Variants in MED13L observed in about 807,000 individuals in gnomAD.
MED13L encodes the protein mediator of RNA polymerase II transcription subunit 13-like.
A neutral mutation model predicts 220.9 loss-of-function variants in MED13L; 7 were observed. The ratio of observed to expected loss-of-function variants is 0.03; its 90% confidence interval spans 0.02 to 0.06. The LOEUF (loss-of-function observed/expected upper bound fraction) is 0.06. MED13L is among the 10% of genes least tolerant of loss of function. The pLI is 1.00. For missense variants in MED13L, 1,965 were observed against 2,760.5 expected (o/e 0.71, Z 6.46); for synonymous variants, 1,011 against 1,015.2 (o/e 1.00, Z 0.08).
At chr12:116,252,103 A>G (rs140640953) in intron 1 of MED13L, among the ~76,000 whole-genome samples, 135 of 152,270 alleles carry the variant, frequency 8.9e-4, no homozygotes, top group African/African-American at 3.1e-3. Context: ...AGACTTCAAT[A>G]GGCCTCCTCT....
intron 2 of MED13L, among the ~76,000 whole-genome samples, chr12:116,119,828 AAAAAAAAAAAAT>A (rs1250666024): frequency 1.7e-5 from 2 of 119,436 alleles, no homozygotes; most frequent in Non-Finnish European, 3.4e-5. Context: ...AAAAAAAAAA[AAAAAAAAAAAAT>A]ATATATATAT....
In MED13L at chr12:115,972,198, T is replaced by C; in HGVS notation, c.5770A>G (p.Ile1924Val). The C allele has an allele frequency of 1.2e-6, 2 of 1,614,010 alleles. No individual in the cohort carries two copies. The highest frequency in any genetic ancestry group is 8.5e-7 in the Non-Finnish European group (1 of 1,179,914). Residue 1924 changes from isoleucine to valine, a missense_variant, in exon 26 of 31, where the codon ATC becomes GTC. Coordinates refer to ENST00000281928, the MANE Select transcript of MED13L (RefSeq NM_015335.5). ...CACACATCCTTGAGCTTTTTGCTGA[T>C]TGTCTGTAGTGAACATTCTCCAAGG... is the stretch of plus-strand genomic sequence containing the variant. ...ILLGECSLQTISKKLKDVCRM... is the reference protein window; with the variant it reads ...ILLGECSLQTVSKKLKDVCRM...
In MED13L at chr12:116,112,240, G is replaced by A. The variant is rs548083944; in HGVS notation, c.311-728C>T. On this transcript the variant is annotated intron_variant, in intron 2 of 30. Transcript: ENST00000281928. ...ATATAAACAGATACAAAATGTCCTAGAGAAGACAGTTAATTTCCTTTTAAA... is the reference window on the plus strand; with the variant it reads ...ATATAAACAGATACAAAATGTCCTAAAGAAGACAGTTAATTTCCTTTTAAA... Among the ~76,000 whole-genome samples, 9 of 152,196 alleles carry A rather than the reference G, an allele frequency of 5.9e-5. 4 individuals are homozygous for A. The highest frequency in any genetic ancestry group is 2.2e-4 in the African/African-American group (9 of 41,538).
chr12:115,992,134 T>C (rs1878104890), intron 16 of MED13L, among the ~76,000 whole-genome samples, 177 bp from the exon 17 acceptor site: 1 of 151,820 alleles, frequency 6.6e-6, no homozygotes, highest in Non-Finnish European at 1.5e-5. Flanking sequence ...CAAAGGTCAG[T>C]GCAGTGTGTA....
intron 23 of MED13L, among the ~76,000 whole-genome samples, chr12:115,979,853 CAAAG>C (rs1345897768): frequency 1.3e-5 from 2 of 152,232 alleles, no homozygotes; most frequent in Admixed American, 6.5e-5. Context: ...ATTAGAAAAA[CAAAG>C]GAAGTGTAAA....
chr12:116,152,967 G>A (rs945356062), intron 2 of MED13L, among the ~76,000 whole-genome samples: 2 of 151,854 alleles, frequency 1.3e-5, no homozygotes, highest in South Asian at 2.1e-4. Flanking sequence ...AAAATTCCGA[G>A]TCTGTGAGAT....
chr12:116,031,715 GAAAAGAAAAGAAAA>G (rs1387691447), intron 4 of MED13L, among the ~76,000 whole-genome samples: 1 of 46,370 alleles, frequency 2.2e-5, no homozygotes. Flanking sequence ...GAAAAGAAAA[GAAAAGAAAAGAAAA>G]GAAAAGAAAA....
rs370814561 is a variant in MED13L, at chr12:116,111,371, G to T, written c.395+57C>A. On this transcript the variant is annotated intron_variant, in intron 3 of 30. Transcript: ENST00000281928. ...TTTTGAAAATTACAGGAAACTCTCG[G>T]TATCTAGCAATATACTTGGTTGTCT... The T allele has an allele frequency of 4.3e-5, 58 of 1,358,098 alleles. No homozygotes were observed. In the African/African-American group the frequency reaches 7.5e-4, roughly 17 times the overall value. 84.1% of individuals were successfully genotyped at this position (1,358,098 alleles called of 1,614,324 possible).
rs559524458 is a variant in MED13L, at chr12:116,177,246, G to A, written c.310+60222C>T. Among the ~76,000 whole-genome samples, 26 of 152,158 alleles carry A rather than the reference G, an allele frequency of 1.7e-4. No homozygotes were observed. In the South Asian group the frequency reaches 4.4e-3, roughly 26 times the overall value. On this transcript the variant is annotated intron_variant, in intron 2 of 30. Transcript: ENST00000281928. The stretch of plus-strand genomic sequence containing the variant: ...CCCCAGGCACTACTCCACAGTAAGC[G>A]TATACATGATCCTGACTTCTATTAT...
At chr12:116,111,586 C>T in intron 2 of MED13L, 74 bp from the exon 3 acceptor site, 1 of 1,180,072 alleles carries the variant, frequency 8.5e-7, no homozygotes, top group Non-Finnish European at 1.2e-6. Flanking sequence ...ACTTTTAAAA[C>T]ATTTTTCTAA....
At chr12:116,076,137 T>C (rs1020845564) in intron 4 of MED13L, among the ~76,000 whole-genome samples, 1 of 151,970 alleles carries the variant, frequency 6.6e-6, no homozygotes, top group Non-Finnish European at 1.5e-5. Context: ...ATGGTCTCGA[T>C]CTCCTGACCT....
chr12:116,117,453 A>C (rs975679861), intron 2 of MED13L, among the ~76,000 whole-genome samples: 1 of 152,238 alleles, frequency 6.6e-6, no homozygotes, highest in East Asian at 1.9e-4. Flanking sequence ...CTTTACTCAC[A>C]ATCTTTTACT....
chr12:116,142,611 C>T (rs1397895257), intron 2 of MED13L, among the ~76,000 whole-genome samples: 5 of 152,022 alleles, frequency 3.3e-5, no homozygotes, highest in Non-Finnish European at 2.9e-5. Flanking sequence ...TCGCTTGAAC[C>T]GGGGTGGCAG....
chr12:116,172,119 A>T (rs1306058672), intron 2 of MED13L, among the ~76,000 whole-genome samples: 1 of 152,190 alleles, frequency 6.6e-6, no homozygotes, highest in Non-Finnish European at 1.5e-5. Flanking sequence ...CAAACAACTC[A>T]ATGAAGATCC....
intron 4 of MED13L, among the ~76,000 whole-genome samples, chr12:116,034,814 T>C (rs1881074140): frequency 6.6e-6 from 1 of 152,134 alleles, no homozygotes; most frequent in Non-Finnish European, 1.5e-5. Flanking sequence ...AAGACCAGCC[T>C]GGCCAACATG....
chr12:116,196,355 G>A (rs535541295), intron 2 of MED13L, among the ~76,000 whole-genome samples: 10 of 151,952 alleles, frequency 6.6e-5, no homozygotes, highest in African/African-American at 2.2e-4. Context: ...ATTGAAAACA[G>A]GGCCAATAAG....
At chr12:116,183,255 A>C (rs1202801437) in intron 2 of MED13L, among the ~76,000 whole-genome samples, 1 of 152,206 alleles carries the variant, frequency 6.6e-6, no homozygotes, top group African/African-American at 2.4e-5. Flanking sequence ...ATGTGTGCCA[A>C]AACTTGAGTT....
intron 4 of MED13L, among the ~76,000 whole-genome samples, chr12:116,049,159 CA>C (rs1241543861): frequency 1.3e-5 from 2 of 152,054 alleles, no homozygotes; most frequent in Non-Finnish European, 2.9e-5. Flanking sequence ...CATTCTGTTC[CA>C]GATGAAAACA....
rs747852225 is a variant in MED13L at position 115,991,017 on chromosome 12, T to C, written c.3934+3A>G. ...AAGTAAATTTGTGTTCTGGGACACC[T>C]ACCATTGCTGTGAGGCCAAGAGTGC... On this transcript the variant is annotated splice_donor_region_variant and intron_variant, in intron 17 of 30. Coordinates refer to ENST00000281928, the MANE Select transcript of MED13L (RefSeq NM_015335.5). The surrounding 1 kb of genome is among the most constrained non-coding windows in gnomAD (Gnocchi z 7.7). 2.8e-5 allele frequency: 45 copies of C among 1,613,242 alleles called. No homozygotes were observed. Among genetic ancestry groups the C allele is most frequent in the Admixed American group, 2.2e-4 (13 of 60,004 alleles).
Sources: gnomAD v4.1 joint callset for allele counts (sites outside exome capture counted in the v4.1 genomes callset) on GRCh38, gnomAD v4.1.1 for gene constraint, Gnocchi (gnomAD v3.1) non-coding constraint, MANE v1.5 for transcripts, NCBI Gene and HGNC (gene_info 2026-07-23, HGNC 2026-07-21) for gene names.